The following ADGRL3 variants were observed in gnomAD, a reference collection of about 807,000 sequenced individuals.
ADGRL3 encodes calcium-independent alpha-latrotoxin receptor 3.
A neutral mutation model predicts 153.5 loss-of-function variants in ADGRL3; 62 were observed. The observed-to-expected ratio is 0.40, with a 90% CI of 0.33 to 0.50. The LOEUF (loss-of-function observed/expected upper bound fraction) is 0.50. ADGRL3 is among the 20% of genes least tolerant of loss of function. The pLI is 0.47. For missense variants in ADGRL3, 1,641 were observed against 1,859.4 expected, an observed-to-expected ratio of 0.88 and a Z score of 2.16; for synonymous variants, 710 against 672.5, an observed-to-expected ratio of 1.06 and a Z score of -0.86.
At chr4:61,794,043 A>G (rs1049957067) in intron 8 of ADGRL3, among the ~76,000 whole-genome samples, 2 of 152,212 alleles carry the variant, frequency 1.3e-5, no homozygotes, top group African/African-American at 4.8e-5. Flanking sequence ...TTAGATAAAA[A>G]AGGTGCTAGG....
At chr4:61,927,328 G>A (rs886602018) in intron 13 of ADGRL3, among the ~76,000 whole-genome samples, 6 of 150,728 alleles carry the variant, frequency 4.0e-5, no homozygotes, top group South Asian at 2.1e-4. Context: ...AAAGTGATAC[G>A]ATCAAATACA....
chr4:61,599,870 A>G (rs951880907), intron 5 of ADGRL3, among the ~76,000 whole-genome samples: 1 of 152,122 alleles, frequency 6.6e-6, no homozygotes, highest in African/African-American at 2.4e-5. Flanking sequence ...AACAGCTTTT[A>G]CTCCAAGTTT....
chr4:61,885,354 A>AAAT (rs2098532390), intron 9 of ADGRL3, among the ~76,000 whole-genome samples: 2 of 152,132 alleles, frequency 1.3e-5, no homozygotes, highest in African/African-American at 4.8e-5. Flanking sequence ...ATAAATAAAT[A>AAAT]AAAACAGTGG....
At chr4:61,413,599 T>G (rs1323159843) in intron 2 of ADGRL3, among the ~76,000 whole-genome samples, 1 of 152,112 alleles carries the variant, frequency 6.6e-6, no homozygotes, top group Non-Finnish European at 1.5e-5. Context: ...GTGCAGTGTT[T>G]ATCTAAAAGT....
chr4:62,009,154 T>G (rs1343702314), intron 21 of ADGRL3, among the ~76,000 whole-genome samples: 1 of 152,156 alleles, frequency 6.6e-6, no homozygotes, highest in African/African-American at 2.4e-5. Context: ...CTGTATATGC[T>G]TTCTAGAAAA....
chr4:61,946,025 T>G (rs1199875395), intron 15 of ADGRL3, among the ~76,000 whole-genome samples: 1 of 152,244 alleles, frequency 6.6e-6, no homozygotes, highest in East Asian at 1.9e-4. Context: ...ATAATTGACT[T>G]GTTTCCAGTT....
At chr4:61,337,598 G>C (rs1429922406) in intron 1 of ADGRL3, among the ~76,000 whole-genome samples, 1 of 152,130 alleles carries the variant, frequency 6.6e-6, no homozygotes, top group East Asian at 1.9e-4. Context: ...TTTGACTCCA[G>C]TGGAGATAAT....
chr4:61,301,009 C>A (rs1175694512), intron 1 of ADGRL3, among the ~76,000 whole-genome samples: 1 of 152,232 alleles, frequency 6.6e-6, no homozygotes, highest in East Asian at 1.9e-4. Context: ...GTGATCCACC[C>A]GCCTCGGGCT....
intron 9 of ADGRL3, among the ~76,000 whole-genome samples, chr4:61,853,807 G>A (rs2098234810): frequency 6.6e-6 from 1 of 152,160 alleles, no homozygotes; most frequent in Admixed American, 6.6e-5. Context: ...AGTCCCAAAA[G>A]ACAGGTTTCA....
At position 61,364,105 on chromosome 4, in the gene ADGRL3, G is replaced by C. The variant is rs562738195; in HGVS notation, c.-239-19019G>C. Reference sequence around the variant, plus strand: ...TCAGCACCTTGGGAGGCCAAGCCGGGTGGATCACAAGGTCAAGAGATCGAG... The same window carrying C: ...TCAGCACCTTGGGAGGCCAAGCCGGCTGGATCACAAGGTCAAGAGATCGAG... On this transcript the variant is annotated intron_variant, in intron 1 of 26. Transcript: ENST00000683033. Among the ~76,000 whole-genome samples, 11 of 152,024 alleles carry C rather than the reference G, an allele frequency of 7.2e-5. 1 individual carries two copies. The East Asian group carries it at 1.9e-3, about 27-fold the overall frequency.
chr4:61,912,912 T>C (rs564614691), intron 13 of ADGRL3, among the ~76,000 whole-genome samples, 155 bp downstream of exon 13: 1 of 152,214 alleles, frequency 6.6e-6, no homozygotes, highest in Non-Finnish European at 1.5e-5. Flanking sequence ...CATGAAAGCA[T>C]TGGCAGTGCC....
chr4:61,565,522 T>C (rs1046301877), intron 4 of ADGRL3, among the ~76,000 whole-genome samples: 3 of 152,008 alleles, frequency 2.0e-5, no homozygotes, highest in East Asian at 1.9e-4. Flanking sequence ...CTCTTCAATA[T>C]ACTTGGATTT....
intron 23 of ADGRL3, among the ~76,000 whole-genome samples, chr4:62,036,098 A>G (rs898882188): frequency 1.3e-5 from 2 of 152,140 alleles, no homozygotes; most frequent in Admixed American, 6.6e-5. Flanking sequence ...TCTAATTCTA[A>G]TCATTGATAA....
rs1422057266 is a variant in ADGRL3, at chr4:61,456,390, GATATATCTATATCTATATAT to G, written c.-173-40725_-173-40706del. ...ATAGATATATCTATATATATATATA[GATATATCTATATCTATATAT>G]ATATAGATATATCTATATCTATATA... On this transcript the variant is annotated intron_variant, in intron 2 of 26. Transcript: ENST00000683033. 5.9e-3 allele frequency among the ~76,000 whole-genome samples: 583 copies of G among 99,154 alleles called. 21 individuals carry two copies. Among genetic ancestry groups the G allele is most frequent in the African/African-American group, 0.019 (493 of 25,744 alleles). 65.0% of individuals were successfully genotyped at this position (99,154 alleles called of 152,430 possible).
intron 6 of ADGRL3, among the ~76,000 whole-genome samples, chr4:61,699,402 G>A (rs1393473687): frequency 6.6e-6 from 1 of 152,062 alleles, no homozygotes; most frequent in East Asian, 1.9e-4. Flanking sequence ...ATTGGCTGCT[G>A]TATGCCCAGC....
chr4:61,620,202 A>G (rs1387765826), intron 5 of ADGRL3, among the ~76,000 whole-genome samples: 1 of 152,072 alleles, frequency 6.6e-6, no homozygotes, highest in Non-Finnish European at 1.5e-5. Context: ...ACATTCTGAA[A>G]CCTTTACTAA....
chr4:61,200,894 T>C lies in ADGRL3; in HGVS notation c.-1111T>C, dbSNP rs905963. Among the ~76,000 whole-genome samples the C allele has an allele frequency of 1, 151,334 of 152,028 alleles. 75,327 individuals carry two copies. Among genetic ancestry groups the C allele is most frequent in the Middle Eastern group, 1 (292 of 292 alleles). On this transcript the variant is annotated 5_prime_UTR_variant, in exon 1 of 27. Transcript: ENST00000683033. Reference sequence around the variant, plus strand: ...AATCATCCACCCCACGGGCTCGGGGTTCGCCGGCCCCCGGGACGCAGCCCT... The same window carrying C: ...AATCATCCACCCCACGGGCTCGGGGCTCGCCGGCCCCCGGGACGCAGCCCT...
intron 2 of ADGRL3, among the ~76,000 whole-genome samples, chr4:61,392,772 C>A (rs995448061): frequency 7.8e-6 from 1 of 128,286 alleles, no homozygotes; most frequent in African/African-American, 2.8e-5. Flanking sequence ...TATATTCTAA[C>A]AAATTTGGTC....
In ADGRL3 at chr4:61,361,941, T is replaced by A. The variant is rs1578431427; in HGVS notation, c.-239-21183T>A. On this transcript the variant is annotated intron_variant, in intron 1 of 26. Transcript: ENST00000683033. ...AAATTATGAACTGTAGTATAACAGTTCTCTGAGGAAGGCTTTTTTTAATGA... is the reference window on the plus strand; with the variant it reads ...AAATTATGAACTGTAGTATAACAGTACTCTGAGGAAGGCTTTTTTTAATGA... Among the ~76,000 whole-genome samples the A allele has an allele frequency of 5.3e-5, 8 of 150,256 alleles. No individual in the cohort carries two copies. In the South Asian group the frequency reaches 1.7e-3, roughly 32 times the overall value.
Sources: gnomAD v4.1 joint callset for allele counts (sites outside exome capture counted in the v4.1 genomes callset) on GRCh38, gnomAD v4.1.1 for gene constraint, MANE v1.5 for transcripts, NCBI Gene and HGNC (gene_info 2026-07-23, HGNC 2026-07-21) for gene names.